CTNND2: variants seen among roughly 807,000 people sequenced by gnomAD.
CTNND2 encodes the protein catenin delta 2.
In CTNND2, 22 loss-of-function variants were observed where a neutral mutation model predicts 144.4. The ratio of observed to expected loss-of-function variants is 0.15; its 90% CI spans 0.11 to 0.22. The LOEUF (loss-of-function observed/expected upper bound fraction) is 0.22. Ranked by LOEUF, CTNND2 falls within the 10% of genes least tolerant of loss-of-function variation. The pLI is 1.00. For missense variants in CTNND2, 1,353 were observed against 1,618.8 expected, an observed-to-expected ratio of 0.84 and a Z score of 2.82; for synonymous variants, 751 against 695.6, an observed-to-expected ratio of 1.08 and a Z score of -1.25.
chr5:11,114,493 A>G (rs902244037), intron 13 of CTNND2, among the ~76,000 whole-genome samples: 1 of 152,126 alleles, frequency 6.6e-6, no homozygotes, highest in Non-Finnish European at 1.5e-5. Flanking sequence ...TTAATTCAAG[A>G]GCTTTTCTCT....
At chr5:11,191,295 C>T (rs1289321761) in intron 11 of CTNND2, among the ~76,000 whole-genome samples, 1 of 152,140 alleles carries the variant, frequency 6.6e-6, no homozygotes, top group East Asian at 1.9e-4. Flanking sequence ...CACTGTTGCC[C>T]CATAGGATTG....
chr5:11,533,048 T>C (rs943796446), intron 3 of CTNND2, among the ~76,000 whole-genome samples: 2 of 152,220 alleles, frequency 1.3e-5, no homozygotes, highest in African/African-American at 4.8e-5. Context: ...AGTGTTCCCA[T>C]GAAGTGGCAG....
intron 11 of CTNND2, among the ~76,000 whole-genome samples, chr5:11,180,208 G>A (rs113684505): frequency 1.6e-3 from 241 of 152,102 alleles, no homozygotes; most frequent in African/African-American, 5.3e-3. Context: ...TTTAAAGTGG[G>A]GCACTTCCCC....
chr5:11,378,464 A>G (rs1448425913), intron 7 of CTNND2, among the ~76,000 whole-genome samples: 2 of 152,234 alleles, frequency 1.3e-5, no homozygotes, highest in African/African-American at 4.8e-5. Flanking sequence ...AAGTTGATTG[A>G]TATCACAGGT....
intron 1 of CTNND2, among the ~76,000 whole-genome samples, chr5:11,843,606 A>G (rs965569239): frequency 2.6e-5 from 4 of 152,222 alleles, no homozygotes; most frequent in East Asian, 1.9e-4. Flanking sequence ...AAAAATGTCT[A>G]TCTCACCACT....
chr5:11,561,068 A>C (rs1230799956), intron 3 of CTNND2, among the ~76,000 whole-genome samples: 1 of 152,162 alleles, frequency 6.6e-6, no homozygotes, highest in African/African-American at 2.4e-5. Context: ...GCCGGATAAC[A>C]CCTCATTGAC....
intron 1 of CTNND2, among the ~76,000 whole-genome samples, chr5:11,761,938 T>C (rs923476911): frequency 1.6e-4 from 25 of 152,164 alleles, no homozygotes; most frequent in African/African-American, 5.1e-4. Flanking sequence ...AATGTGGAAA[T>C]TGAAAAATGA....
chr5:11,290,232 T>C (rs1748186913), intron 9 of CTNND2, among the ~76,000 whole-genome samples: 1 of 152,218 alleles, frequency 6.6e-6, no homozygotes. Flanking sequence ...AGTCTCTAAG[T>C]AATTTAAAAG....
chr5:11,776,454 G>T (rs887224386), intron 1 of CTNND2, among the ~76,000 whole-genome samples: 4 of 152,248 alleles, frequency 2.6e-5, no homozygotes, highest in African/African-American at 9.6e-5. Context: ...GTCAGAGAAG[G>T]GGGTAAGTAA....
intron 9 of CTNND2, among the ~76,000 whole-genome samples, chr5:11,292,693 T>C (rs1415836656): frequency 6.6e-6 from 1 of 152,182 alleles, no homozygotes; most frequent in Non-Finnish European, 1.5e-5. Flanking sequence ...TGTGAGTCCA[T>C]TAAACCTCTT....
In CTNND2 at chr5:11,324,947, A is replaced by AT. The variant is rs1235594036; in HGVS notation, c.1628+21424dup. Among the ~76,000 whole-genome samples, 11 of 95,390 alleles carry AT rather than the reference A, an allele frequency of 1.2e-4. No homozygotes were observed. In the East Asian group the frequency reaches 3.4e-3, roughly 29 times the overall value. 62.6% of individuals were successfully genotyped at this position (95,390 alleles called of 152,430 possible). On this transcript the variant is annotated intron_variant, in intron 9 of 21. Coordinates refer to ENST00000304623, the MANE Select transcript of CTNND2 (RefSeq NM_001332.4). ...TTTCCAGCTTTCAACTTAATGCATT[A>AT]TCCTTTTTTTTTTTTTGTCTAAAGA...
chr5:11,586,037 C>A (rs1719258185), intron 2 of CTNND2, among the ~76,000 whole-genome samples: 2 of 152,072 alleles, frequency 1.3e-5, no homozygotes, highest in African/African-American at 4.8e-5. Flanking sequence ...CCTTGTTGGC[C>A]ACTGCAGGGA....
chr5:11,727,413 C>A (rs753376051), intron 2 of CTNND2, among the ~76,000 whole-genome samples: 2 of 152,158 alleles, frequency 1.3e-5, no homozygotes, highest in Non-Finnish European at 2.9e-5. Context: ...CCCAGTTCCA[C>A]GGACTCCTAG....
intron 2 of CTNND2, among the ~76,000 whole-genome samples, chr5:11,664,738 TTCAC>T (rs1783460176): frequency 6.6e-6 from 1 of 152,178 alleles, no homozygotes; most frequent in African/African-American, 2.4e-5. Flanking sequence ...TCCAATTCAT[TTCAC>T]TCACTATTTC....
chr5:11,770,000 A>T (rs4323234), intron 1 of CTNND2, among the ~76,000 whole-genome samples: 148,991 of 152,284 alleles, frequency 0.98, 72,959 homozygotes, highest in East Asian at 1. Flanking sequence ...TATATTCTGG[A>T]AGAATTCAGG....
chr5:11,207,384 T>TAA (rs202182480), intron 10 of CTNND2, among the ~76,000 whole-genome samples: 8 of 139,972 alleles, frequency 5.7e-5, no homozygotes, highest in Admixed American at 2.9e-4. Flanking sequence ...TTCAAGTATT[T>TAA]AAAAAAAAAA....
chr5:10,993,520 A>G (rs1197570552), intron 18 of CTNND2, among the ~76,000 whole-genome samples: 1 of 152,174 alleles, frequency 6.6e-6, no homozygotes, highest in African/African-American at 2.4e-5. Flanking sequence ...CTAACATTAT[A>G]GCAAAGAAAA....
chr5:11,628,590 T>C (rs1781269190), intron 2 of CTNND2, among the ~76,000 whole-genome samples: 1 of 152,182 alleles, frequency 6.6e-6, no homozygotes, highest in African/African-American at 2.4e-5. Flanking sequence ...ATAAGCACCA[T>C]GATCTACTGA....
intron 12 of CTNND2, among the ~76,000 whole-genome samples, chr5:11,126,029 C>T (rs1754638048): frequency 6.6e-6 from 1 of 152,180 alleles, no homozygotes; most frequent in African/African-American, 2.4e-5. Flanking sequence ...CGGCTGGGCA[C>T]AGTGGCTCAC....
Sources: gnomAD v4.1 joint callset for allele counts (sites outside exome capture counted in the v4.1 genomes callset) on GRCh38, gnomAD v4.1.1 for gene constraint, MANE v1.5 for transcripts, NCBI Gene and HGNC (gene_info 2026-07-23, HGNC 2026-07-21) for gene names.